The following XKR4 variants were observed in gnomAD, a reference collection of about 807,000 sequenced individuals.
The protein encoded by XKR4 is XK-related protein 4.
A neutral mutation model predicts 53.9 loss-of-function variants in XKR4; 12 were observed. That is an observed-to-expected ratio of 0.22 (90% CI 0.14 to 0.36). The LOEUF is 0.36. Ranked by LOEUF, XKR4 falls within the 10% of genes least tolerant of loss-of-function variation. The pLI is 1.00. For missense variants in XKR4, 799 were observed against 859.5 expected, an observed-to-expected ratio of 0.93 and a Z score of 0.88; for synonymous variants, 354 against 362.4, an observed-to-expected ratio of 0.98 and a Z score of 0.26.
At chr8:55,359,462 G>A (rs1460863785) in intron 2 of XKR4, among the ~76,000 whole-genome samples, 2 of 152,186 alleles carry the variant, frequency 1.3e-5, no homozygotes, top group Admixed American at 1.3e-4. Flanking sequence ...GAAATGATCT[G>A]TAAACCAGAA....
intron 1 of XKR4, among the ~76,000 whole-genome samples, chr8:55,163,314 C>T (rs1053994200): frequency 6.6e-5 from 10 of 152,180 alleles, no homozygotes; most frequent in Non-Finnish European, 1.2e-4. Flanking sequence ...AAATAGATCG[C>T]ATTTAGGTAA....
chr8:55,538,690 C>T lies in XKR4; in HGVS notation c.*14463C>T, dbSNP rs1807063891. 1 of 152,190 alleles carries T rather than the reference C, an allele frequency of 6.6e-6. No homozygotes were observed. The highest frequency in any genetic ancestry group is 2.4e-5 in the African/African-American group (1 of 41,436). 9.4% of individuals were successfully genotyped at this position (152,190 alleles called of 1,614,324 possible). A position where few individuals can be genotyped will look rare whatever the true frequency, so the allele number is the denominator to read the frequency against. ...CCTGAGGGGTTTGCATGCCTGATCC[C>T]AAGCTGCATTTTTTCAGAATGCGTG... On this transcript the variant is annotated 3_prime_UTR_variant, in exon 3 of 3. Coordinates refer to ENST00000327381, the MANE Select transcript of XKR4 (RefSeq NM_052898.2).
At position 55,174,847 on chromosome 8, in the gene XKR4, C is replaced by T. The variant is rs550905822; in HGVS notation, c.806+71553C>T. ...GCACCAGAAACATCTCATGGAGCAG[C>T]GTGTGTCACAGCATGACTGTCTCAG... On this transcript the variant is annotated intron_variant, in intron 1 of 2. Coordinates refer to ENST00000327381, the MANE Select transcript of XKR4 (RefSeq NM_052898.2). Among the ~76,000 whole-genome samples the T allele has an allele frequency of 2.4e-4, 37 of 152,262 alleles. No individual in the cohort carries two copies. The East Asian group carries it at 2.5e-3, about 10-fold the overall frequency.
chr8:55,473,308 T>C (rs557119169), intron 2 of XKR4, among the ~76,000 whole-genome samples: 3 of 152,268 alleles, frequency 2.0e-5, no homozygotes, highest in East Asian at 3.9e-4. Flanking sequence ...TGGGTGAAAA[T>C]TGAGGTTCTG....
intron 1 of XKR4, among the ~76,000 whole-genome samples, chr8:55,191,663 CT>C (rs1281589857): frequency 6.8e-5 from 10 of 146,370 alleles, no homozygotes; most frequent in Non-Finnish European, 1.5e-4. Context: ...CTCTCCTTCT[CT>C]TTTTTTCTTT....
chr8:55,416,147 CTCTCTAA>C (rs1011072848), intron 2 of XKR4, among the ~76,000 whole-genome samples: 1 of 152,132 alleles, frequency 6.6e-6, no homozygotes, highest in Non-Finnish European at 1.5e-5. Flanking sequence ...ACTAGGAGAA[CTCTCTAA>C]AGGGAGGCAC....
At chr8:55,185,346 C>T (rs566375122) in intron 1 of XKR4, among the ~76,000 whole-genome samples, 11 of 152,296 alleles carry the variant, frequency 7.2e-5, no homozygotes, top group Admixed American at 5.9e-4. Flanking sequence ...GTTGAAAGGT[C>T]ACCTTCTCAT....
intron 2 of XKR4, among the ~76,000 whole-genome samples, chr8:55,444,980 A>G (rs1042800969): frequency 7.2e-5 from 11 of 152,220 alleles, no homozygotes; most frequent in Non-Finnish European, 1.2e-4. Flanking sequence ...ATATAGTCAT[A>G]TCATGAAATC....
At chr8:55,522,078 A>G (rs1020953078) in intron 2 of XKR4, among the ~76,000 whole-genome samples, 6 of 152,190 alleles carry the variant, frequency 3.9e-5, no homozygotes, top group African/African-American at 1.2e-4. Context: ...GTGACAGAGG[A>G]ATTTCCCATA....
At chr8:55,131,184 C>CAACAACAACAACAACAACAAA (rs1816549830) in intron 1 of XKR4, among the ~76,000 whole-genome samples, 1 of 151,934 alleles carries the variant, frequency 6.6e-6, no homozygotes, top group South Asian at 2.1e-4. Flanking sequence ...ACAACAACAA[C>CAACAACAACAACAACAACAAA]AAATGCAGAC....
At chr8:55,119,592 C>T (rs1250487459) in intron 1 of XKR4, among the ~76,000 whole-genome samples, 3 of 152,064 alleles carry the variant, frequency 2.0e-5, no homozygotes, top group Non-Finnish European at 2.9e-5. Context: ...GGGGAATGCG[C>T]AGCAATGAGT....
In XKR4 at chr8:55,523,331, T is replaced by C; in HGVS notation, c.1057T>C (p.Tyr353His). Residue 353 changes from tyrosine (Y) to histidine (H), a missense_variant, in exon 3 of 3, where the codon TAC becomes CAC. This residue lies in a region of XKR4 where 476 missense variants were observed against 505.4 expected (regional missense o/e 0.94). Transcript: ENST00000327381. ...LVSLAWALAS[Y>H]QKALRDSRDD... ...GTCCCTGGCCTGGGCCTTGGCCTCC[T>C]ACCAGAAGGCCCTCCGGGACTCTCG... is the stretch of plus-strand genomic sequence containing the variant. 6.2e-7 allele frequency: 1 copy of C among 1,614,046 alleles called. No individual in the cohort carries two copies. Among genetic ancestry groups the C allele is most frequent in the Non-Finnish European group, 8.5e-7 (1 of 1,179,910 alleles).
intron 2 of XKR4, among the ~76,000 whole-genome samples, chr8:55,460,627 G>A (rs562511191): frequency 1.3e-5 from 2 of 152,334 alleles, no homozygotes; most frequent in East Asian, 3.9e-4. Flanking sequence ...GTGCCAGACA[G>A]TGGGTGCAGG....
intron 2 of XKR4, among the ~76,000 whole-genome samples, chr8:55,462,727 C>T (rs974409082): frequency 6.6e-6 from 1 of 152,120 alleles, no homozygotes; most frequent in African/African-American, 2.4e-5. Flanking sequence ...ATTCAGGAAA[C>T]CCATCTCACG....
At chr8:55,461,932 T>C (rs1048698184) in intron 2 of XKR4, among the ~76,000 whole-genome samples, 4 of 152,098 alleles carry the variant, frequency 2.6e-5, no homozygotes, top group Non-Finnish European at 5.9e-5. Flanking sequence ...GAAAAAAGAA[T>C]ACAAAGAAAC....
chr8:55,211,361 T>G (rs1817727317), intron 1 of XKR4, among the ~76,000 whole-genome samples: 2 of 152,300 alleles, frequency 1.3e-5, no homozygotes, highest in African/African-American at 4.8e-5. Context: ...GATTCAGACT[T>G]GGAGATTAAG....
chr8:55,470,580 A>C (rs769889276), intron 2 of XKR4, among the ~76,000 whole-genome samples: 6 of 152,192 alleles, frequency 3.9e-5, no homozygotes, highest in Non-Finnish European at 7.3e-5. Flanking sequence ...AGTCTCAGGT[A>C]TGTCTTTATC....
rs191248229 is a variant in XKR4, at chr8:55,291,462, A to G, written c.807-66216A>G. ...GTATGTCAATCTGGAAATAACTGCC[A>G]TCTTTACTATGCTGACTCTCCCAAT... On this transcript the variant is annotated intron_variant, in intron 1 of 2. Transcript: ENST00000327381. 1.5e-3 allele frequency among the ~76,000 whole-genome samples: 229 copies of G among 152,294 alleles called. 1 individual carries two copies. The highest frequency in any genetic ancestry group is 1.9e-4 in the Non-Finnish European group (13 of 67,986).
chr8:55,312,870 GAA>G (rs1819407756), intron 1 of XKR4, among the ~76,000 whole-genome samples: 1 of 152,184 alleles, frequency 6.6e-6, no homozygotes, highest in African/African-American at 2.4e-5. Flanking sequence ...AAGACAAGGA[GAA>G]AGAGACTGGA....
Sources: allele counts gnomAD v4.1 joint callset (sites outside exome capture counted in the v4.1 genomes callset), GRCh38; gene constraint gnomAD v4.1.1; regional missense constraint gnomAD v4.1.1; transcripts MANE v1.5; gene names NCBI Gene and HGNC (gene_info 2026-07-23, HGNC 2026-07-21).